Variants in DPYD observed in about 807,000 individuals in gnomAD.
DPYD encodes the protein dihydropyrimidine dehydrogenase [NADP(+)].
A neutral mutation model predicts 116.2 loss-of-function variants in DPYD; 109 were observed. The observed-to-expected ratio is 0.94, with a 90% confidence interval of 0.80 to 1.10. DPYD has a LOEUF of 1.10. Ranked by LOEUF, DPYD falls within the 50% of genes least tolerant of loss-of-function variation. DPYD has a pLI of 0.00. For missense variants in DPYD, 1,302 were observed against 1,254.5 expected, an observed-to-expected ratio of 1.04 and a Z score of -0.57; for synonymous variants, 440 against 432.0, an observed-to-expected ratio of 1.02 and a Z score of -0.23.
At position 97,823,625 on chromosome 1, in the gene DPYD, C is replaced by T. The variant is rs149106117; in HGVS notation, c.233+4489G>A. Among the ~76,000 whole-genome samples, 57 of 152,102 alleles carry T rather than the reference C, an allele frequency of 3.7e-4. No individual in the cohort carries two copies. In the East Asian group the frequency reaches 9.9e-3, roughly 26 times the overall value. ...TCTGTGATTAGCTTATTTCACTTAACATTAACATTTTCTAGGTTGATCCAT... is the reference window on the plus strand; with the variant it reads ...TCTGTGATTAGCTTATTTCACTTAATATTAACATTTTCTAGGTTGATCCAT... On this transcript the variant is annotated intron_variant, in intron 3 of 22. Transcript: ENST00000370192.
intron 12 of DPYD, 138 bp downstream of exon 12, chr1:97,549,422 A>T (rs1207541784): frequency 3.0e-6 from 3 of 1,015,696 alleles, no homozygotes; most frequent in Admixed American, 2.2e-5. Flanking sequence ...TAAAATTTGT[A>T]TCCAAGTATG....
intron 3 of DPYD, among the ~76,000 whole-genome samples, chr1:97,825,420 T>A (rs1194536305): frequency 1.3e-5 from 2 of 151,876 alleles, no homozygotes; most frequent in African/African-American, 4.8e-5. Context: ...CAGATGTGGG[T>A]CCAACTCTGT....
chr1:97,339,264 T>C (rs1032945014), intron 16 of DPYD, among the ~76,000 whole-genome samples: 12 of 152,088 alleles, frequency 7.9e-5, no homozygotes, highest in Non-Finnish European at 1.6e-4. Context: ...ATCATGGAAA[T>C]AACAGAATAA....
intron 16 of DPYD, among the ~76,000 whole-genome samples, chr1:97,316,414 T>C (rs1224867128): frequency 6.6e-6 from 1 of 151,190 alleles, no homozygotes; most frequent in Non-Finnish European, 1.5e-5. Flanking sequence ...CTCAGGAGGC[T>C]GAGGAATGAG....
At chr1:97,118,305 T>C (rs2101638556) in intron 20 of DPYD, among the ~76,000 whole-genome samples, 1 of 152,244 alleles carries the variant, frequency 6.6e-6, no homozygotes, top group East Asian at 1.9e-4. Flanking sequence ...TCAGATTTTA[T>C]TGTGATAACA....
At chr1:97,447,220 G>C (rs1676137920) in intron 14 of DPYD, among the ~76,000 whole-genome samples, 1 of 152,350 alleles carries the variant, frequency 6.6e-6, no homozygotes, top group South Asian at 2.1e-4. Context: ...CTTAGAAGCT[G>C]CCACAGTGGG....
intron 14 of DPYD, chr1:97,394,452 GCA>G (rs552983384): frequency 5.9e-5 from 9 of 152,004 alleles, no homozygotes; most frequent in Non-Finnish European, 1.0e-4. Context: ...CATGAGTGTA[GCA>G]GTCAGAACAC....
intron 3 of DPYD, among the ~76,000 whole-genome samples, chr1:97,777,503 T>C (rs1274724193): frequency 1.3e-5 from 2 of 152,202 alleles, no homozygotes; most frequent in Non-Finnish European, 2.9e-5. Context: ...TCAAGTTCAA[T>C]GTACAAATGA....
intron 20 of DPYD, among the ~76,000 whole-genome samples, chr1:97,150,161 C>A (rs1160963652): frequency 6.6e-6 from 1 of 152,120 alleles, no homozygotes; most frequent in Non-Finnish European, 1.5e-5. Flanking sequence ...ATATCTCTTT[C>A]TCACAGAACG....
intron 20 of DPYD, among the ~76,000 whole-genome samples, chr1:97,154,138 C>A (rs897129629): frequency 2.6e-5 from 4 of 152,134 alleles, no homozygotes; most frequent in Non-Finnish European, 5.9e-5. Context: ...AGCAATCCCA[C>A]TAATGGGTAT....
In DPYD at chr1:97,592,927, T is replaced by C. The variant is rs566872978; in HGVS notation, c.1128+291A>G. On this transcript the variant is annotated intron_variant, in intron 10 of 22. Coordinates refer to ENST00000370192, the MANE Select transcript of DPYD (RefSeq NM_000110.4). The stretch of plus-strand genomic sequence containing the variant: ...CCTACTATTCAGGATATGGAAGACT[T>C]AGCACTTTACATTGTTACTAGTTAC... Among the ~76,000 whole-genome samples, 5 of 152,300 alleles carry C rather than the reference T, an allele frequency of 3.3e-5. No homozygotes were observed. The South Asian group carries it at 1.0e-3, about 32-fold the overall frequency.
intron 13 of DPYD, among the ~76,000 whole-genome samples, chr1:97,479,972 T>C (rs1288119968): frequency 6.6e-6 from 1 of 152,202 alleles, no homozygotes; most frequent in Non-Finnish European, 1.5e-5. Flanking sequence ...TGAGAAATAA[T>C]CTGAGAATTT....
At chr1:97,860,521 A>G (rs1332963956) in intron 2 of DPYD, among the ~76,000 whole-genome samples, 7 of 152,204 alleles carry the variant, frequency 4.6e-5, no homozygotes, top group Non-Finnish European at 1.0e-4. Flanking sequence ...GCAGAGAATT[A>G]TGCACAAAGT....
At chr1:97,610,563 G>T (rs769299772) in intron 8 of DPYD, among the ~76,000 whole-genome samples, 1 of 151,974 alleles carries the variant, frequency 6.6e-6, no homozygotes, top group Non-Finnish European at 1.5e-5. Context: ...ACTGCTTCCA[G>T]GTCCTCTATT....
chr1:97,248,322 A>T (rs554247568), intron 18 of DPYD, among the ~76,000 whole-genome samples: 2 of 152,268 alleles, frequency 1.3e-5, no homozygotes, highest in African/African-American at 4.8e-5. Flanking sequence ...TGTGATAGTG[A>T]ATGAGATCTG....
At chr1:97,602,852 G>C (rs180801684) in intron 8 of DPYD, among the ~76,000 whole-genome samples, 12 of 151,906 alleles carry the variant, frequency 7.9e-5, no homozygotes, top group African/African-American at 2.9e-4. Context: ...ATAATTAGTA[G>C]AAGTTATTGC....
At chr1:97,280,367 T>C (rs1221049738) in intron 18 of DPYD, among the ~76,000 whole-genome samples, 2 of 152,300 alleles carry the variant, frequency 1.3e-5, no homozygotes, top group African/African-American at 4.8e-5. Flanking sequence ...CAGAATGAAC[T>C]GCATCCAAAA....
In DPYD at chr1:97,666,235, C is replaced by T. The variant is rs191268427; in HGVS notation, c.850+12860G>A. Among the ~76,000 whole-genome samples the T allele has an allele frequency of 2.6e-3, 389 of 152,218 alleles. 1 individual carries two copies. The highest frequency in any genetic ancestry group is 4.5e-3 in the Non-Finnish European group (307 of 67,990). ...TCACCTAGGCTGGAGTTCAGTGGCACAATCACGGCTCATTGCAGCCTTGAC... is the reference window on the plus strand; with the variant it reads ...TCACCTAGGCTGGAGTTCAGTGGCATAATCACGGCTCATTGCAGCCTTGAC... On this transcript the variant is annotated intron_variant, in intron 8 of 22. Coordinates refer to ENST00000370192, the MANE Select transcript of DPYD (RefSeq NM_000110.4).
intron 20 of DPYD, among the ~76,000 whole-genome samples, chr1:97,186,214 G>C (rs1379482913): frequency 2.6e-5 from 4 of 152,090 alleles, no homozygotes; most frequent in Non-Finnish European, 5.9e-5. Flanking sequence ...AATAGCAATA[G>C]TTTTATGAAA....
Sources: gnomAD v4.1 joint callset for allele counts (sites outside exome capture counted in the v4.1 genomes callset) on GRCh38, gnomAD v4.1.1 for gene constraint, MANE v1.5 for transcripts, NCBI Gene and HGNC (gene_info 2026-07-23, HGNC 2026-07-21) for gene names.